Variants in CERK observed in about 807,000 individuals in gnomAD.
CERK encodes acylsphingosine kinase.
A neutral mutation model predicts 63.4 loss-of-function variants in CERK; 39 were observed. The observed-to-expected ratio is 0.61, with a 90% CI of 0.48 to 0.80. The LOEUF (loss-of-function observed/expected upper bound fraction) is 0.80, where lower values mean the gene tolerates loss of function less well. CERK is among the 30% of genes least tolerant of loss of function. The pLI is 0.00. For synonymous variants in CERK, 302 were observed against 280.0 expected, an observed-to-expected ratio of 1.08 and a Z score of -0.78; for missense variants, 670 against 714.1, an observed-to-expected ratio of 0.94 and a Z score of 0.70.
chr22:46,692,427 A>T (rs1393821892), intron 10 of CERK, among the ~76,000 whole-genome samples: 2 of 54,542 alleles, frequency 3.7e-5, no homozygotes, highest in Admixed American at 2.1e-4. Context: ...ACTCTGTCTT[A>T]AAAAAAAAAA....
intron 11 of CERK, among the ~76,000 whole-genome samples, chr22:46,690,679 G>T (rs1214292355): frequency 6.6e-6 from 1 of 152,158 alleles, no homozygotes; most frequent in Non-Finnish European, 1.5e-5. Context: ...TAAATTTGGA[G>T]ACTGTGACCA....
chr22:46,699,822 T>A (rs562112705), intron 7 of CERK, among the ~76,000 whole-genome samples: 2 of 152,342 alleles, frequency 1.3e-5, no homozygotes, highest in African/African-American at 4.8e-5. Flanking sequence ...AGTGCAGTGG[T>A]TCACGCCTGT....
rs990775409 is a variant in CERK at position 46,702,194 on chromosome 22, A to C, written c.716-484T>G. ...CTTCGTCTCAAAAAAAAAAAAAAAA[A>C]GGAGCCAAAAAGTTAAAAAAATATA... On this transcript the variant is annotated intron_variant, in intron 6 of 12. Coordinates refer to ENST00000216264, the MANE Select transcript of CERK (RefSeq NM_022766.6). 5.6e-4 allele frequency among the ~76,000 whole-genome samples: 82 copies of C among 146,160 alleles called. 1 individual carries two copies. Among genetic ancestry groups the C allele is most frequent in the Non-Finnish European group, 1.6e-4 (11 of 66,904 alleles).
In CERK at chr22:46,685,929, C is replaced by G. The variant is rs1004923038; in HGVS notation, c.*1205G>C. The G allele has an allele frequency of 1.1e-4, 16 of 152,186 alleles. No individual in the cohort carries two copies. Among genetic ancestry groups the G allele is most frequent in the African/African-American group, 3.9e-4 (16 of 41,430 alleles). The allele number at this position is 152,186 out of a possible 1,614,324, so 9.4% of individuals were successfully genotyped here. A position where few individuals can be genotyped will look rare whatever the true frequency, so the allele number is the denominator to read the frequency against. ...CGCTCCTTACAGATCAAAGTTTAAG[C>G]CGCATATTCTCATATTTCAAACAAA... On this transcript the variant is annotated 3_prime_UTR_variant, in exon 13 of 13. Transcript: ENST00000216264.
chr22:46,711,295 G>A (rs75296015), intron 4 of CERK, 146 bp from the exon 5 acceptor site: 8,849 of 647,890 alleles, frequency 0.014, 91 homozygotes, highest in Non-Finnish European at 0.018. Context: ...ATTCTACATC[G>A]CTCTTATGGG....
chr22:46,717,831 A>C (rs1382754417), intron 3 of CERK, among the ~76,000 whole-genome samples: 1 of 152,262 alleles, frequency 6.6e-6, no homozygotes, highest in African/African-American at 2.4e-5. Flanking sequence ...CTGTAATCCC[A>C]GCACTTTGGG....
At chr22:46,722,556 C>CTTTT (rs556829995) in intron 1 of CERK, among the ~76,000 whole-genome samples, 2 of 125,564 alleles carry the variant, frequency 1.6e-5, no homozygotes, top group Non-Finnish European at 3.3e-5. Context: ...GGCCTCCCAT[C>CTTTT]TTTTTTTTTT....
chr22:46,717,587 A>G (rs2082872585), intron 3 of CERK, among the ~76,000 whole-genome samples: 1 of 152,264 alleles, frequency 6.6e-6, no homozygotes, highest in Non-Finnish European at 1.5e-5. Context: ...TTCATACTGT[A>G]TGATCTGATT....
intron 7 of CERK, among the ~76,000 whole-genome samples, chr22:46,701,424 G>A (rs1025988438): frequency 4.6e-5 from 7 of 152,274 alleles, no homozygotes; most frequent in African/African-American, 1.2e-4. Context: ...CACACTGGGC[G>A]TGCCCCCAGG....
intron 12 of CERK, 126 bp downstream of exon 12, chr22:46,689,866 A>G (rs1286578026): frequency 7.8e-6 from 5 of 639,360 alleles, no homozygotes; most frequent in African/African-American, 1.8e-5. Context: ...GTGCATTTAT[A>G]AAACATTCTT....
intron 5 of CERK, 147 bp from the exon 6 acceptor site, chr22:46,708,135 G>A (rs1601718207): frequency 1.1e-6 from 1 of 893,882 alleles, no homozygotes; most frequent in East Asian, 2.7e-5. Context: ...ATGTCCCTAA[G>A]TGATAAGGTC....
chr22:46,697,361 C>A (rs962480917), intron 8 of CERK, among the ~76,000 whole-genome samples: 1 of 151,980 alleles, frequency 6.6e-6, no homozygotes, highest in Non-Finnish European at 1.5e-5. Flanking sequence ...AGTGCAGTGG[C>A]CTGATCTCTG....
chr22:46,722,318 G>C lies in CERK; in HGVS notation c.143-1303C>G, dbSNP rs574603444. ...GGTAGTGTCTGAACTGGGCCTTTGA[G>C]CACTGTAGAAACCTTTGAAAGGCCA... On this transcript the variant is annotated intron_variant, in intron 1 of 12. Coordinates refer to ENST00000216264, the MANE Select transcript of CERK (RefSeq NM_022766.6). 2.4e-4 allele frequency among the ~76,000 whole-genome samples: 37 copies of C among 152,298 alleles called. 2 individuals are homozygous for C. The South Asian group carries it at 5.6e-3, about 23-fold the overall frequency.
chr22:46,705,579 G>A (rs1438891519), intron 6 of CERK, among the ~76,000 whole-genome samples: 1 of 152,232 alleles, frequency 6.6e-6, no homozygotes, highest in Non-Finnish European at 1.5e-5. Flanking sequence ...GCTGAGGCAG[G>A]AGAATTGCTT....
chr22:46,712,979 G>C (rs1388990482), intron 3 of CERK, among the ~76,000 whole-genome samples: 5 of 151,504 alleles, frequency 3.3e-5, no homozygotes, highest in African/African-American at 1.2e-4. Context: ...TGAGTAGCTG[G>C]GACTACAGGC....
chr22:46,699,275 C>T (rs5767329), intron 8 of CERK, 38 bp downstream of exon 8: 14 of 1,606,432 alleles, frequency 8.7e-6, no homozygotes, highest in African/African-American at 2.7e-5. Flanking sequence ...AGTCGGGGCA[C>T]GACCAGCGGG....
At chr22:46,721,801 G>A (rs1425279467) in intron 1 of CERK, among the ~76,000 whole-genome samples, 1 of 152,162 alleles carries the variant, frequency 6.6e-6, no homozygotes, top group Non-Finnish European at 1.5e-5. Flanking sequence ...GAGGAGACAG[G>A]GGAGACTTCC....
intron 1 of CERK, among the ~76,000 whole-genome samples, chr22:46,725,218 C>T (rs969420373): frequency 3.9e-5 from 6 of 151,928 alleles, no homozygotes; most frequent in Admixed American, 6.5e-5. Flanking sequence ...CCCTAGTCTT[C>T]GATACTCTCA....
At chr22:46,703,644 C>T (rs1010724143) in intron 6 of CERK, among the ~76,000 whole-genome samples, 2 of 152,190 alleles carry the variant, frequency 1.3e-5, no homozygotes, top group African/African-American at 4.8e-5. Flanking sequence ...CAGCCCCCCA[C>T]CAGCTACACC....
Sources: gnomAD v4.1 joint callset for allele counts (sites outside exome capture counted in the v4.1 genomes callset) on GRCh38, gnomAD v4.1.1 for gene constraint, MANE v1.5 for transcripts, NCBI Gene and HGNC (gene_info 2026-07-23, HGNC 2026-07-21) for gene names.